The following MYRIP variants were observed in gnomAD, a reference collection of about 807,000 sequenced individuals.
MYRIP encodes myosin VIIA and Rab interacting protein.
In MYRIP, 49 loss-of-function variants were observed where a neutral mutation model predicts 98.0. That is an observed-to-expected ratio of 0.50 (90% CI 0.40 to 0.63). The LOEUF is 0.63. Ranked by LOEUF, MYRIP falls within the 30% of genes least tolerant of loss-of-function variation. MYRIP has a pLI of 0.00. For synonymous variants in MYRIP, 404 were observed against 409.5 expected, an observed-to-expected ratio of 0.99 and a Z score of 0.16; for missense variants, 1,004 against 1,058.2, an observed-to-expected ratio of 0.95 and a Z score of 0.71.
At chr3:40,117,283 T>C (rs1949302800) in intron 3 of MYRIP, among the ~76,000 whole-genome samples, 1 of 152,100 alleles carries the variant, frequency 6.6e-6, no homozygotes, top group Admixed American at 6.6e-5. Flanking sequence ...AGGCTGAAAA[T>C]CAGGAACAGA....
chr3:40,134,718 A>C (rs1949724377), intron 3 of MYRIP, among the ~76,000 whole-genome samples: 1 of 152,196 alleles, frequency 6.6e-6, no homozygotes, highest in Non-Finnish European at 1.5e-5. Flanking sequence ...CAGCATTTGC[A>C]GTTCACCAAT....
chr3:39,912,324 C>T (rs1944041797), intron 2 of MYRIP, among the ~76,000 whole-genome samples: 1 of 152,150 alleles, frequency 6.6e-6, no homozygotes, highest in African/African-American at 2.4e-5. Context: ...CTGACCACCT[C>T]TGGAATTAGT....
chr3:40,002,586 C>T (rs185389884), intron 2 of MYRIP, among the ~76,000 whole-genome samples: 1 of 151,990 alleles, frequency 6.6e-6, no homozygotes, highest in East Asian at 1.9e-4. Context: ...TCTGCCACTC[C>T]CAAGATCTGC....
intron 1 of MYRIP, among the ~76,000 whole-genome samples, chr3:39,857,105 T>A (rs1942321623): frequency 6.6e-6 from 1 of 151,832 alleles, no homozygotes; most frequent in Non-Finnish European, 1.5e-5. Context: ...CCCAGCTACT[T>A]GGGAGGCTGA....
chr3:39,939,470 C>G (rs1405360744), intron 2 of MYRIP, among the ~76,000 whole-genome samples: 1 of 151,974 alleles, frequency 6.6e-6, no homozygotes, highest in Non-Finnish European at 1.5e-5. Context: ...GAAATTACAT[C>G]TAGTGAAACA....
chr3:39,823,697 A>AT (rs1161541875), intron 1 of MYRIP, among the ~76,000 whole-genome samples: 27 of 150,712 alleles, frequency 1.8e-4, no homozygotes, highest in South Asian at 6.3e-4. Flanking sequence ...TTTTAATGGG[A>AT]TTTTTTTTTC....
intron 3 of MYRIP, among the ~76,000 whole-genome samples, chr3:40,046,496 G>A (rs901430740): frequency 2.7e-5 from 4 of 149,714 alleles, no homozygotes; most frequent in Non-Finnish European, 5.9e-5. Context: ...TGAGCCTTTA[G>A]GAATTTTAGA....
chr3:39,882,542 T>C (rs1205027480), intron 1 of MYRIP, among the ~76,000 whole-genome samples: 1 of 152,158 alleles, frequency 6.6e-6, no homozygotes, highest in African/African-American at 2.4e-5. Flanking sequence ...CTGATTAATA[T>C]GACTTTGAAT....
At chr3:40,183,013 T>C (rs1305795780) in intron 9 of MYRIP, among the ~76,000 whole-genome samples, 1 of 152,234 alleles carries the variant, frequency 6.6e-6, no homozygotes, top group Admixed American at 6.5e-5. Context: ...GTTCCCACCT[T>C]GTGGCTCTAT....
At chr3:40,161,277 T>C (rs1950388745) in intron 4 of MYRIP, among the ~76,000 whole-genome samples, 1 of 152,066 alleles carries the variant, frequency 6.6e-6, no homozygotes, top group Non-Finnish European at 1.5e-5. Context: ...ACCTCCAAAT[T>C]TAAAAGGAAA....
chr3:39,978,405 A>G (rs1194988837), intron 2 of MYRIP, among the ~76,000 whole-genome samples: 33 of 152,134 alleles, frequency 2.2e-4, no homozygotes, highest in Admixed American at 2.2e-3. Flanking sequence ...TGTGCTGTGG[A>G]GTGTGGCTAG....
At chr3:40,096,138 C>T (rs1374019057) in intron 3 of MYRIP, among the ~76,000 whole-genome samples, 1 of 151,622 alleles carries the variant, frequency 6.6e-6, no homozygotes, top group Non-Finnish European at 1.5e-5. Flanking sequence ...TAGGTTTTCT[C>T]GGGCCATTCT....
At chr3:39,821,089 T>C (rs981708401) in intron 1 of MYRIP, among the ~76,000 whole-genome samples, 4 of 152,082 alleles carry the variant, frequency 2.6e-5, no homozygotes. Context: ...ATCTGAAAGA[T>C]AGTTAAAATT....
chr3:40,197,236 C>T lies in MYRIP; in HGVS notation c.1665+6773C>T, dbSNP rs530360144. Among the ~76,000 whole-genome samples, 8 of 152,182 alleles carry T rather than the reference C, an allele frequency of 5.3e-5. No homozygotes were observed. In the South Asian group the frequency reaches 1.0e-3, roughly 20 times the overall value. On this transcript the variant is annotated intron_variant, in intron 10 of 16. Coordinates refer to ENST00000302541, the MANE Select transcript of MYRIP (RefSeq NM_015460.4). ...CACATGTGCAGTTCACAATAGGGTT[C>T]GCGCTACTCTGAGAATCTAATGCCA...
At chr3:40,017,179 G>A (rs1474571037) in intron 2 of MYRIP, among the ~76,000 whole-genome samples, 1 of 152,168 alleles carries the variant, frequency 6.6e-6, no homozygotes, top group East Asian at 1.9e-4. Flanking sequence ...CAAGTCTCCT[G>A]CACTCCCACT....
chr3:40,227,068 A>C (rs1355873601), intron 11 of MYRIP, among the ~76,000 whole-genome samples: 1 of 152,074 alleles, frequency 6.6e-6, no homozygotes, highest in Admixed American at 6.5e-5. Flanking sequence ...GACAGATCTT[A>C]CCTTCTGCTA....
chr3:39,947,855 C>G (rs771406447), intron 2 of MYRIP, among the ~76,000 whole-genome samples: 12 of 152,142 alleles, frequency 7.9e-5, no homozygotes, highest in African/African-American at 2.9e-4. Flanking sequence ...TTAGCAAGAT[C>G]GCCAGGTGAT....
chr3:39,907,457 T>G (rs1000132141), intron 2 of MYRIP, among the ~76,000 whole-genome samples: 1 of 152,142 alleles, frequency 6.6e-6, no homozygotes, highest in Admixed American at 6.5e-5. Flanking sequence ...GTCGGGGCAC[T>G]TAAGAGCTGG....
Position 40,190,204 on chromosome 3 carries a change from A to G in MYRIP, c.1406A>G (p.Gln469Arg). ...GGCTCTTCCCGAGAAGTTGGGCACC[A>G]GGCCAGACTGTCCTGGTTGCAGAGG... ...SAGSSREVGH[Q>R]ARLSWLQRKA... is the part of the protein sequence containing the mutation. The change falls in exon 10 of 17, where the codon CAG becomes CGG. Residue 469 changes from glutamine to arginine, a missense_variant. Physicochemically the swap from Gln to Arg is conservative, Grantham distance 43. Transcript: ENST00000302541. 3.7e-6 allele frequency: 6 copies of G among 1,614,134 alleles called. No individual in the cohort carries two copies. The highest frequency in any genetic ancestry group is 5.1e-6 in the Non-Finnish European group (6 of 1,180,024).
Sources: allele counts gnomAD v4.1 joint callset (sites outside exome capture counted in the v4.1 genomes callset), GRCh38; gene constraint gnomAD v4.1.1; transcripts MANE v1.5; gene names NCBI Gene and HGNC (gene_info 2026-07-23, HGNC 2026-07-21).